IDH3A: variants seen among roughly 807,000 people sequenced by gnomAD.
The protein encoded by IDH3A is isocitrate dehydrogenase [NAD] subunit alpha, mitochondrial.
IDH3A carries 23 observed loss-of-function variants against 43.3 expected under a neutral mutation model. The ratio of observed to expected loss-of-function variants is 0.53; its 90% confidence interval spans 0.38 to 0.75. The LOEUF (loss-of-function observed/expected upper bound fraction) is 0.75, where lower values mean the gene tolerates loss of function less well. IDH3A is among the 30% of genes least tolerant of loss of function. The probability of loss-of-function intolerance (pLI) is 0.00; values close to 1 mark genes in which losing one functional copy is unlikely to be tolerated. For synonymous variants in IDH3A, 154 were observed against 163.5 expected (o/e 0.94, Z 0.44); for missense variants, 329 against 474.4 (o/e 0.69, Z 2.85).
At chr15:78,166,977 C>T (rs2074750936) in intron 10 of IDH3A, among the ~76,000 whole-genome samples, 1 of 152,114 alleles carries the variant, frequency 6.6e-6, no homozygotes, top group Non-Finnish European at 1.5e-5. Context: ...TCACAACAAA[C>T]GTCTGTTGAG....
intron 8 of IDH3A, among the ~76,000 whole-genome samples, chr15:78,164,161 C>T (rs2074712126): frequency 6.6e-6 from 1 of 152,076 alleles, no homozygotes; most frequent in Non-Finnish European, 1.5e-5. Context: ...AAGAATAGTA[C>T]AAAGAATTCC....
chr15:78,165,098 A>AGTTCTGTTT, intron 9 of IDH3A, 22 bp downstream of exon 9: 2 of 1,496,672 alleles, frequency 1.3e-6, no homozygotes, highest in Non-Finnish European at 1.9e-6. Flanking sequence ...GACACCTGAA[A>AGTTCTGTTT]CAGAACTCAG....
intron 1 of IDH3A, among the ~76,000 whole-genome samples, chr15:78,149,850 T>G (rs2074559174): frequency 6.6e-6 from 1 of 152,246 alleles, no homozygotes; most frequent in African/African-American, 2.4e-5. Context: ...CCCTCAGCAC[T>G]GCCCACACCT....
intron 10 of IDH3A, chr15:78,168,153 G>A (rs1199740657): frequency 6.6e-6 from 1 of 152,070 alleles, no homozygotes; most frequent in African/African-American, 2.4e-5. Flanking sequence ...TTAGGCAGGT[G>A]TGGTGGTGCA....
At chr15:78,153,643 A>G (rs2141940376) in intron 1 of IDH3A, among the ~76,000 whole-genome samples, 2 of 152,274 alleles carry the variant, frequency 1.3e-5, no homozygotes, top group Middle Eastern at 6.8e-3. Context: ...AAAGGTTCAG[A>G]CCCCAGAAAA....
chr15:78,161,660 T>C lies in IDH3A; in HGVS notation c.369T>C (p.Asn123=), dbSNP rs1476999592. ...GCAAAACATTTGACCTTTACGCGAA[T>C]GTCCGACCATGTGTCTCTATCGAAG... ...LLRKTFDLYA[N]VRPCVSIEGY... is the part of the protein sequence containing the mutation. The change falls in exon 5 of 11, where the codon AAT becomes AAC. Residue 123 remains asparagine (N), a synonymous_variant. Transcript: ENST00000299518. This position sits in a 1 kb window ranked among gnomAD's most constrained non-coding sequence, Gnocchi z 4.8. 6.2e-7 allele frequency: 1 copy of C among 1,614,216 alleles called. No individual in the cohort carries two copies.
intron 3 of IDH3A, 110 bp from the exon 4 acceptor site, chr15:78,159,981 CG>C: frequency 1.4e-6 from 1 of 692,796 alleles, no homozygotes; most frequent in Non-Finnish European, 2.7e-6. Context: ...GGCGACAGAG[CG>C]GGACTCTATC....
At chr15:78,150,845 A>G (rs933022534) in intron 1 of IDH3A, 1 of 152,190 alleles carries the variant, frequency 6.6e-6, no homozygotes, top group African/African-American at 2.4e-5. Context: ...TTTGCTTGTG[A>G]TGATAACTCT....
intron 2 of IDH3A, chr15:78,157,233 T>C (rs1478729842): frequency 4.0e-6 from 4 of 992,912 alleles, no homozygotes; most frequent in Non-Finnish European, 5.1e-6. Context: ...TTGGTCTCTT[T>C]GCAGCTTGTC....
rs1217574041 is a variant in IDH3A at position 78,157,552 on chromosome 15, A to G, written c.95A>G (p.Gln32Arg). ...TTGATGATTTCTTATGTTCAGGTTCAGACAGTAACTTTAATTCCAGGAGAT... is the reference window on the plus strand; with the variant it reads ...TTGATGATTTCTTATGTTCAGGTTCGGACAGTAACTTTAATTCCAGGAGAT... ...QVTRGFTGGV[Q>R]TVTLIPGDGI... is the part of the protein sequence containing the mutation. The change falls in exon 3 of 11, where the codon CAG becomes CGG. Residue 32 changes from glutamine (Q) to arginine (R), a missense_variant. Transcript: ENST00000299518. 19 of 1,608,206 alleles carry G rather than the reference A, an allele frequency of 1.2e-5. No homozygotes were observed. The highest frequency in any genetic ancestry group is 1.6e-5 in the Non-Finnish European group (19 of 1,176,532).
intron 1 of IDH3A, among the ~76,000 whole-genome samples, chr15:78,153,039 C>T (rs931084817): frequency 1.3e-5 from 2 of 152,118 alleles, no homozygotes; most frequent in Non-Finnish European, 2.9e-5. Context: ...TTGCTGCCCC[C>T]AGCATATGCA....
chr15:78,157,293 C>A, intron 2 of IDH3A: 1 of 757,250 alleles, frequency 1.3e-6, no homozygotes. Context: ...AATTTATTTT[C>A]GTTTTATGTA....
In IDH3A at chr15:78,157,569, C is replaced by A; in HGVS notation, c.112C>A (p.Pro38Thr). The stretch of plus-strand genomic sequence containing the variant: ...TCAGGTTCAGACAGTAACTTTAATT[C>A]CAGGAGATGGTATTGGCCCAGAAAT... ...TGGVQTVTLI[P>T]GDGIGPEISA... is the part of the protein sequence containing the mutation. The change falls in exon 3 of 11, where the codon CCA (proline) becomes ACA (threonine). Residue 38 changes from proline to threonine, a missense_variant. Pro to Thr is a conservative substitution (Grantham distance 38, BLOSUM62 -1). Transcript: ENST00000299518. 6.2e-7 allele frequency: 1 copy of A among 1,611,500 alleles called. No homozygotes were observed. The highest frequency in any genetic ancestry group is 8.5e-7 in the Non-Finnish European group (1 of 1,178,612).
At chr15:78,165,402 G>A (rs2141301778) in intron 9 of IDH3A, among the ~76,000 whole-genome samples, 1 of 152,014 alleles carries the variant, frequency 6.6e-6, no homozygotes, top group East Asian at 1.9e-4. Context: ...TGTTGGCCAG[G>A]CTGTTCTTGA....
rs546139314 is a variant in IDH3A, at chr15:78,163,778, T to C, written c.777T>C (p.Leu259=). Residue 259 remains leucine (L), a splice_region_variant and synonymous_variant, in exon 8 of 11, where the codon CTT becomes CTC. Transcript: ENST00000299518. ...LVMPNLYGDI[L]SDLCAGLIGG... is the part of the protein sequence containing the mutation. ...TGCCAAATTTGTATGGAGACATCCTTAGGTGAGTCTGGCTGCAACCTATTT... is the reference window on the plus strand; with the variant it reads ...TGCCAAATTTGTATGGAGACATCCTCAGGTGAGTCTGGCTGCAACCTATTT... 3.7e-6 allele frequency: 6 copies of C among 1,604,002 alleles called. No individual in the cohort carries two copies. Among genetic ancestry groups the C allele is most frequent in the South Asian group, 1.1e-5 (1 of 90,828 alleles).
At chr15:78,165,146 A>G in intron 9 of IDH3A, 70 bp downstream of exon 9, 1 of 902,580 alleles carries the variant, frequency 1.1e-6, no homozygotes, top group South Asian at 1.4e-5. Context: ...AGTTATCTGT[A>G]TAAGTATGCT....
intron 1 of IDH3A, among the ~76,000 whole-genome samples, chr15:78,154,093 T>C (rs1161979982): frequency 6.6e-6 from 1 of 151,980 alleles, no homozygotes; most frequent in Non-Finnish European, 1.5e-5. Flanking sequence ...AATAATGTAG[T>C]ATGACTTTGT....
At position 78,169,870 on chromosome 15, in the gene IDH3A, G is replaced by A. The variant is rs2074798227; in HGVS notation, c.*865G>A. On this transcript the variant is annotated 3_prime_UTR_variant, in exon 11 of 11. Transcript: ENST00000299518. ...AACTTATTCTTGCATGTTGCTGTCT[G>A]GGAATGGACCACACTACAGCAGGTA... The A allele has an allele frequency of 6.6e-6, 1 of 152,198 alleles. No individual in the cohort carries two copies. The highest frequency in any genetic ancestry group is 2.1e-4 in the South Asian group (1 of 4,832). 9.4% of individuals were successfully genotyped at this position (152,198 alleles called of 1,614,324 possible).
At chr15:78,151,841 C>G (rs1436278318) in intron 1 of IDH3A, among the ~76,000 whole-genome samples, 3 of 151,848 alleles carry the variant, frequency 2.0e-5, no homozygotes, top group Admixed American at 6.6e-5. Context: ...AAGTAGAAGT[C>G]CTGCCATCTC....
Sources: allele counts gnomAD v4.1 joint callset (sites outside exome capture counted in the v4.1 genomes callset), GRCh38; gene constraint gnomAD v4.1.1; non-coding constraint Gnocchi (gnomAD v3.1); transcripts MANE v1.5; gene names NCBI Gene and HGNC (gene_info 2026-07-23, HGNC 2026-07-21).